Variants in DCC observed in about 807,000 individuals in gnomAD.
DCC encodes the protein DCC netrin 1 receptor.
A neutral mutation model predicts 172.5 loss-of-function variants in DCC; 58 were observed. The ratio of observed to expected loss-of-function variants is 0.34; its 90% CI spans 0.27 to 0.42. The LOEUF is 0.42. Ranked by LOEUF, DCC falls within the 10% of genes least tolerant of loss-of-function variation. The pLI, the probability that DCC is intolerant of heterozygous loss-of-function variation, is 1.00. For synonymous variants in DCC, 709 were observed against 644.5 expected, an observed-to-expected ratio of 1.10 and a Z score of -1.52; for missense variants, 1,740 against 1,791.0, an observed-to-expected ratio of 0.97 and a Z score of 0.51.
intron 1 of DCC, among the ~76,000 whole-genome samples, chr18:52,659,164 C>T (rs1266144761): frequency 6.6e-6 from 1 of 152,114 alleles, no homozygotes; most frequent in Non-Finnish European, 1.5e-5. Context: ...ACAGATGGAA[C>T]TCAGTACAAT....
chr18:53,429,350 A>C (rs1218938581), intron 21 of DCC, among the ~76,000 whole-genome samples: 1 of 93,686 alleles, frequency 1.1e-5, no homozygotes, highest in African/African-American at 3.1e-5. Context: ...AATTAGGATA[A>C]GAAATTAATT....
chr18:52,556,727 T>TC (rs1252722991), intron 1 of DCC, among the ~76,000 whole-genome samples: 2 of 151,624 alleles, frequency 1.3e-5, no homozygotes, highest in Non-Finnish European at 2.9e-5. Flanking sequence ...CAACACTCCT[T>TC]CCCCCCACCT....
intron 7 of DCC, among the ~76,000 whole-genome samples, chr18:53,086,007 C>CTTATTATTATTA (rs1599113255): frequency 8.9e-5 from 2 of 22,434 alleles, no homozygotes; most frequent in Non-Finnish European, 7.8e-5. Context: ...CCTTCTTCTC[C>CTTATTATTATTA]TTCTCCTTCT....
chr18:52,389,028 C>T (rs1387827030), intron 1 of DCC, among the ~76,000 whole-genome samples: 1 of 152,066 alleles, frequency 6.6e-6, no homozygotes, highest in Non-Finnish European at 1.5e-5. Context: ...GTATTCTCTG[C>T]CCAGTGTGTA....
intron 27 of DCC, among the ~76,000 whole-genome samples, chr18:53,504,055 G>T (rs996277731): frequency 6.6e-6 from 1 of 152,202 alleles, no homozygotes; most frequent in Admixed American, 6.5e-5. Context: ...CAAGGAGGGG[G>T]TGGAGGTGGC....
intron 22 of DCC, among the ~76,000 whole-genome samples, chr18:53,447,378 T>C (rs1001509056): frequency 6.6e-6 from 1 of 152,204 alleles, no homozygotes; most frequent in African/African-American, 2.4e-5. Flanking sequence ...GGAACTTTTA[T>C]GAGGAAGTCA....
chr18:53,040,926 T>C (rs539582445), intron 5 of DCC, among the ~76,000 whole-genome samples: 11 of 151,916 alleles, frequency 7.2e-5, no homozygotes, highest in South Asian at 6.2e-4. Flanking sequence ...ATGCCAAGGA[T>C]AAGATTTGAA....
intron 14 of DCC, among the ~76,000 whole-genome samples, chr18:53,323,504 G>A (rs1273912213): frequency 1.3e-5 from 2 of 152,206 alleles, no homozygotes; most frequent in African/African-American, 4.8e-5. Flanking sequence ...GAAACACTTG[G>A]TTCTTTTCTC....
intron 15 of DCC, among the ~76,000 whole-genome samples, chr18:53,375,428 C>T (rs569003660): frequency 1.4e-4 from 21 of 152,242 alleles, no homozygotes; most frequent in Admixed American, 1.2e-3. Flanking sequence ...AAAAGATATG[C>T]TTCCTCTTTT....
chr18:53,496,207 A>G (rs139163267), intron 26 of DCC, among the ~76,000 whole-genome samples: 132 of 152,236 alleles, frequency 8.7e-4, no homozygotes, highest in African/African-American at 3.0e-3. Context: ...CATATAGGCA[A>G]GCTCTGGCTG....
Position 52,570,698 on chromosome 18 carries a change from G to T in DCC, c.92-181356G>T, listed in dbSNP as rs1305334437. Reference sequence around the variant, plus strand: ...AGCCTAAGCAGCAGTTTGGTCTCATGATACTAAATTCACTTTAATATGTGA... The same window carrying T: ...AGCCTAAGCAGCAGTTTGGTCTCATTATACTAAATTCACTTTAATATGTGA... On this transcript the variant is annotated intron_variant, in intron 1 of 28. Coordinates refer to ENST00000442544, the MANE Select transcript of DCC (RefSeq NM_005215.4). 2.6e-5 allele frequency among the ~76,000 whole-genome samples: 4 copies of T among 152,186 alleles called. No individual in the cohort carries two copies. In the East Asian group the frequency reaches 5.8e-4, roughly 22 times the overall value.
intron 1 of DCC, among the ~76,000 whole-genome samples, chr18:52,439,871 T>G (rs929872125): frequency 2.0e-5 from 3 of 152,126 alleles, no homozygotes; most frequent in Non-Finnish European, 4.4e-5. Flanking sequence ...ACCTCATAAA[T>G]ATACACACCT....
rs577280070 is a variant in DCC, at chr18:53,189,395, A to G, written c.1573+10279A>G. Among the ~76,000 whole-genome samples the G allele has an allele frequency of 8.2e-4, 124 of 152,010 alleles. 1 individual carries two copies. The highest frequency in any genetic ancestry group is 2.8e-3 in the African/African-American group (118 of 41,490). On this transcript the variant is annotated intron_variant, in intron 9 of 28. Transcript: ENST00000442544. ...TAAGTTTTCACAGGCAGCTTAAAACATAGCAATGCCAACACAATTTTATAT... is the reference window on the plus strand; with the variant it reads ...TAAGTTTTCACAGGCAGCTTAAAACGTAGCAATGCCAACACAATTTTATAT...
intron 27 of DCC, among the ~76,000 whole-genome samples, chr18:53,512,774 A>G (rs2046273977): frequency 6.7e-6 from 1 of 148,888 alleles, no homozygotes; most frequent in Non-Finnish European, 1.5e-5. Context: ...AAGAATAAAA[A>G]GAAATTAGCA....
At chr18:52,761,927 AAAAAAAAAAAG>A (rs2037168185) in intron 2 of DCC, among the ~76,000 whole-genome samples, 2 of 104,084 alleles carry the variant, frequency 1.9e-5, no homozygotes, top group African/African-American at 8.2e-5. Context: ...AAAAAAAAAG[AAAAAAAAAAAG>A]AAGAAGGAAA....
chr18:53,321,317 T>C (rs1364122043), intron 13 of DCC, among the ~76,000 whole-genome samples: 1 of 152,208 alleles, frequency 6.6e-6, no homozygotes, highest in Non-Finnish European at 1.5e-5. Flanking sequence ...TCATTTATTT[T>C]ACAATAATTT....
At chr18:53,123,116 G>C (rs942316972) in intron 7 of DCC, among the ~76,000 whole-genome samples, 8 of 152,022 alleles carry the variant, frequency 5.3e-5, no homozygotes, top group Non-Finnish European at 1.2e-4. Context: ...CACAGTCTTT[G>C]CATATGTCAT....
intron 8 of DCC, among the ~76,000 whole-genome samples, chr18:53,166,761 C>T (rs2054928463): frequency 6.6e-6 from 1 of 152,112 alleles, no homozygotes; most frequent in Non-Finnish European, 1.5e-5. Context: ...ATACCTCTAA[C>T]CAAGAGAGGT....
chr18:52,489,024 A>G (rs2030367103), intron 1 of DCC, among the ~76,000 whole-genome samples: 1 of 151,984 alleles, frequency 6.6e-6, no homozygotes, highest in Non-Finnish European at 1.5e-5. Flanking sequence ...ATCATGATTA[A>G]AGTTTCCTGA....
Sources: allele counts gnomAD v4.1 joint callset (sites outside exome capture counted in the v4.1 genomes callset), GRCh38; gene constraint gnomAD v4.1.1; transcripts MANE v1.5; gene names NCBI Gene and HGNC (gene_info 2026-07-23, HGNC 2026-07-21).